Variants in DCUN1D4 observed in about 807,000 individuals in gnomAD.
DCUN1D4 encodes DCN1-like protein 4.
Under a neutral mutation model 47.9 loss-of-function variants are expected in DCUN1D4, and 22 were observed. The ratio of observed to expected loss-of-function variants is 0.46; its 90% confidence interval spans 0.33 to 0.66. DCUN1D4 has a LOEUF of 0.66. Among genes scored for constraint, DCUN1D4 ranks in the 30% least tolerant of loss-of-function variants. The pLI is 0.02. For synonymous variants in DCUN1D4, 121 were observed against 112.2 expected (o/e 1.08, Z -0.50); for missense variants, 301 against 340.8 (o/e 0.88, Z 0.92).
intron 1 of DCUN1D4, among the ~76,000 whole-genome samples, chr4:51,856,326 A>AT (rs1296000326): frequency 3.3e-5 from 5 of 152,226 alleles, no homozygotes; most frequent in Non-Finnish European, 5.9e-5. Context: ...AAACACTTTG[A>AT]TGATGCTTTA....
chr4:51,852,218 T>C (rs1723479398), intron 1 of DCUN1D4, among the ~76,000 whole-genome samples: 1 of 152,150 alleles, frequency 6.6e-6, no homozygotes, highest in Non-Finnish European at 1.5e-5. Flanking sequence ...TAAAAACTGA[T>C]TTTAAGTGGG....
intron 3 of DCUN1D4, among the ~76,000 whole-genome samples, chr4:51,866,378 GTGATGATGATGA>G (rs540585746): frequency 1.8e-4 from 27 of 148,944 alleles, no homozygotes; most frequent in Non-Finnish European, 3.3e-4. Context: ...CCAAATTATG[GTGATGATGATGA>G]TGATGATGAT....
At chr4:51,874,591 T>G (rs1727399274) in intron 4 of DCUN1D4, 1 of 436,440 alleles carries the variant, frequency 2.3e-6, no homozygotes, top group African/African-American at 2.0e-5. Context: ...ATTTGAATTC[T>G]TAGAAGTTAA....
intron 9 of DCUN1D4, among the ~76,000 whole-genome samples, chr4:51,911,425 C>G (rs1232633268): frequency 6.6e-6 from 1 of 152,154 alleles, no homozygotes; most frequent in Non-Finnish European, 1.5e-5. Context: ...CCTTTTCTCT[C>G]TTTTCTCATC....
At chr4:51,845,330 A>G in intron 1 of DCUN1D4, 1 of 959,208 alleles carries the variant, frequency 1.0e-6, no homozygotes, top group Non-Finnish European at 1.2e-6. Context: ...GAAATGAGTG[A>G]TGGAGGTGGG....
At chr4:51,883,548 C>G (rs948234036) in intron 5 of DCUN1D4, among the ~76,000 whole-genome samples, 1 of 152,212 alleles carries the variant, frequency 6.6e-6, no homozygotes, top group Non-Finnish European at 1.5e-5. Flanking sequence ...TCCACTCTCA[C>G]TACTCTTACT....
the DCUN1D4 span, among the ~76,000 whole-genome samples, chr4:51,834,675 C>G: frequency 6.6e-6 from 1 of 151,970 alleles, no homozygotes; most frequent in Non-Finnish European, 1.5e-5. Context: ...GGCCTTGTCC[C>G]GAAAATGGGA....
At chr4:51,908,590 G>T (rs538847174) in intron 8 of DCUN1D4, among the ~76,000 whole-genome samples, 1 of 151,442 alleles carries the variant, frequency 6.6e-6, no homozygotes, top group East Asian at 1.9e-4. Flanking sequence ...ATTTGTTACG[G>T]TGATTTTTTT....
rs1008474985 is a variant in DCUN1D4, at chr4:51,916,517, A to T, written c.*2933A>T. 5 of 152,588 alleles carry T rather than the reference A, an allele frequency of 3.3e-5. No homozygotes were observed. Among genetic ancestry groups the T allele is most frequent in the Non-Finnish European group, 5.9e-5 (4 of 68,018 alleles). The allele number at this position is 152,588 out of a possible 1,614,324, so 9.5% of individuals were successfully genotyped here. On this transcript the variant is annotated 3_prime_UTR_variant, in exon 11 of 11. Coordinates refer to ENST00000334635, the MANE Select transcript of DCUN1D4 (RefSeq NM_001040402.3). ...TATCCTTTATTCTTTCATATGTTGT[A>T]TAATAAATGTATAGATTTCATTGAC...
At chr4:51,900,592 T>C (rs1465408341) in intron 8 of DCUN1D4, among the ~76,000 whole-genome samples, 2 of 152,062 alleles carry the variant, frequency 1.3e-5, no homozygotes, top group African/African-American at 4.8e-5. Context: ...ATTTAAAAAT[T>C]AGCCAGATAT....
At chr4:51,909,005 C>G in intron 8 of DCUN1D4, 1 of 456,260 alleles carries the variant, frequency 2.2e-6, no homozygotes, top group Non-Finnish European at 4.4e-6. Flanking sequence ...CTTTCCAGTC[C>G]TGTGAGTCTG....
intron 1 of DCUN1D4, among the ~76,000 whole-genome samples, chr4:51,857,151 G>A (rs1041409052): frequency 6.6e-6 from 1 of 152,160 alleles, no homozygotes; most frequent in Non-Finnish European, 1.5e-5. Context: ...GGGAGGGTGG[G>A]CAGTTAGTGA....
At chr4:51,842,934 G>A, upstream of DCUN1D4, 1 of 738,040 alleles carries the variant, frequency 1.4e-6, no homozygotes, top group South Asian at 4.4e-5. Flanking sequence ...CCAACCCGCT[G>A]CTCCGGAGCA....
chr4:51,851,658 G>C (rs1723385704), intron 1 of DCUN1D4, among the ~76,000 whole-genome samples: 1 of 152,150 alleles, frequency 6.6e-6, no homozygotes, highest in Non-Finnish European at 1.5e-5. Context: ...GAAGTCCCAG[G>C]TGGGGCACAG....
At chr4:51,845,857 G>A (rs527371822) in intron 1 of DCUN1D4, among the ~76,000 whole-genome samples, 1 of 152,178 alleles carries the variant, frequency 6.6e-6, no homozygotes, top group African/African-American at 2.4e-5. Context: ...TGGGCAATGT[G>A]TGTGGTGTTC....
intron 1 of DCUN1D4, among the ~76,000 whole-genome samples, chr4:51,859,332 G>A (rs1399705194): frequency 6.6e-6 from 1 of 151,902 alleles, no homozygotes; most frequent in Non-Finnish European, 1.5e-5. Flanking sequence ...TTATAATTGC[G>A]TTCTTGTCCC....
intron 7 of DCUN1D4, among the ~76,000 whole-genome samples, chr4:51,896,552 C>G (rs774109166): frequency 3.9e-5 from 6 of 152,026 alleles, no homozygotes; most frequent in Non-Finnish European, 8.8e-5. Context: ...CTCTTTGACC[C>G]TCTCCGATTA....
At chr4:51,864,142 T>C (rs952247431) in intron 3 of DCUN1D4, among the ~76,000 whole-genome samples, 1 of 152,222 alleles carries the variant, frequency 6.6e-6, no homozygotes, top group Non-Finnish European at 1.5e-5. Context: ...GTATAAGTTA[T>C]CCTCTAACCC....
intron 8 of DCUN1D4, chr4:51,905,045 C>T: frequency 3.3e-6 from 1 of 302,154 alleles, no homozygotes; most frequent in Non-Finnish European, 6.9e-6. Flanking sequence ...GCCCCTTTAA[C>T]AGCTCTCTAC....
Sources: allele counts gnomAD v4.1 joint callset (sites outside exome capture counted in the v4.1 genomes callset), GRCh38; gene constraint gnomAD v4.1.1; transcripts MANE v1.5; gene names NCBI Gene and HGNC (gene_info 2026-07-23, HGNC 2026-07-21).